Variants in PEX5 observed in about 807,000 individuals in gnomAD.
PEX5 encodes the protein PTS1 receptor.
A neutral mutation model predicts 82.9 loss-of-function variants in PEX5; 52 were observed. The ratio of observed to expected loss-of-function variants is 0.63; its 90% CI spans 0.50 to 0.79. PEX5 has a LOEUF of 0.79. PEX5 is among the 30% of genes least tolerant of loss of function. PEX5 has a pLI of 0.00. For synonymous variants in PEX5, 300 were observed against 318.8 expected (o/e 0.94, Z 0.63); for missense variants, 719 against 815.2 (o/e 0.88, Z 1.44).
chr12:7,205,427 A>G (rs1426661950), intron 10 of PEX5, among the ~76,000 whole-genome samples: 1 of 152,222 alleles, frequency 6.6e-6, no homozygotes, highest in Admixed American at 6.5e-5. Flanking sequence ...TTGTTTATTG[A>G]TAGCCCTTAT....
At chr12:7,201,167 A>G (rs1389845318) in intron 6 of PEX5, among the ~76,000 whole-genome samples, 61 of 49,878 alleles carry the variant, frequency 1.2e-3, no homozygotes, top group Admixed American at 8.6e-3. Context: ...ATATATACAC[A>G]CATACACATA....
chr12:7,205,567 GCAGAC>G (rs1453756129), intron 10 of PEX5, among the ~76,000 whole-genome samples: 1 of 152,202 alleles, frequency 6.6e-6, no homozygotes, highest in Non-Finnish European at 1.5e-5. Flanking sequence ...AGATTTTGGA[GCAGAC>G]CAGACCGTGT....
At chr12:7,197,252 T>TATGTA (rs1555175990) in intron 5 of PEX5, among the ~76,000 whole-genome samples, 1 of 15,444 alleles carries the variant, frequency 6.5e-5, no homozygotes, top group Admixed American at 9.1e-4. Flanking sequence ...TTATATGTCA[T>TATGTA]ATGTAATAAT....
chr12:7,191,386 G>T, intron 4 of PEX5, 28 bp downstream of exon 4: 1 of 1,614,142 alleles, frequency 6.2e-7, no homozygotes, highest in Non-Finnish European at 8.5e-7. Context: ...TGGGAGGGGA[G>T]ATCGTTTTCC....
intron 17 of PEX5, among the ~76,000 whole-genome samples, chr12:7,216,605 G>A (rs959478997): frequency 6.6e-6 from 1 of 152,112 alleles, no homozygotes; most frequent in African/African-American, 2.4e-5. Context: ...GGACAAAAAG[G>A]TTTGTAAATA....
At chr12:7,216,280 ACACT>A (rs1208973412), downstream of PEX5, among the ~76,000 whole-genome samples, 2 of 152,130 alleles carry the variant, frequency 1.3e-5, no homozygotes, top group Non-Finnish European at 2.9e-5. Flanking sequence ...AATTCCTTAA[ACACT>A]CACACCCATA....
At chr12:7,203,323 C>G in intron 9 of PEX5, 109 bp from the exon 10 acceptor site, 3 of 1,245,878 alleles carry the variant, frequency 2.4e-6, no homozygotes, top group Non-Finnish European at 3.3e-6. Flanking sequence ...GATTCTTAAA[C>G]ATATTGAAAT....
At chr12:7,197,485 A>G (rs1942936434) in intron 5 of PEX5, among the ~76,000 whole-genome samples, 2 of 139,966 alleles carry the variant, frequency 1.4e-5, no homozygotes, top group African/African-American at 5.5e-5. Context: ...TATATAATAT[A>G]ATAATTATAT....
At chr12:7,195,465 T>C (rs1422747671) in intron 5 of PEX5, among the ~76,000 whole-genome samples, 1 of 152,154 alleles carries the variant, frequency 6.6e-6, no homozygotes, top group Non-Finnish European at 1.5e-5. Context: ...CTGGGTCTTG[T>C]GGCGATTTAA....
intron 9 of PEX5, among the ~76,000 whole-genome samples, 195 bp downstream of exon 9, chr12:7,202,899 G>A (rs932930589): frequency 1.1e-4 from 17 of 152,126 alleles, no homozygotes; most frequent in Non-Finnish European, 2.1e-4. Flanking sequence ...GCTCATGCCT[G>A]TAATCTCAGC....
chr12:7,210,069 G>T lies in PEX5; in HGVS notation c.1766G>T (p.Ser589Ile). The T allele has an allele frequency of 6.2e-7, 1 of 1,614,264 alleles. No individual in the cohort carries two copies. Among genetic ancestry groups the T allele is most frequent in the Non-Finnish European group, 8.5e-7 (1 of 1,180,044 alleles). Residue 589 changes from serine to isoleucine, a missense_variant, in exon 16 of 16, where the codon AGC becomes ATC. Physicochemically the swap from Ser to Ile is moderately radical, Grantham distance 142. Transcript: ENST00000675855. The stretch of plus-strand genomic sequence containing the variant: ...GAGGCCCTGAACATGCAGAGGAAAA[G>T]CCGGGGCCCCCGGGGTGAAGGAGGT... ...FLEALNMQRKSRGPRGEGGAM... is the reference protein window; with the variant it reads ...FLEALNMQRKIRGPRGEGGAM...
Position 7,210,718 on chromosome 12 carries a change from G to C in PEX5, c.*495G>C. On this transcript the variant is annotated 3_prime_UTR_variant, in exon 16 of 16. Transcript: ENST00000675855. ...AGGAGTTGGCCTGTTGGGTTGAATT[G>C]TTGATTTGGCTGAGCAGAGCTGAGT... 4.1e-6 allele frequency: 1 copy of C among 246,812 alleles called. No homozygotes were observed. Among genetic ancestry groups the C allele is most frequent in the Non-Finnish European group, 8.0e-6 (1 of 124,720 alleles). The allele number at this position is 246,812 out of a possible 1,614,324, so 15.3% of individuals were successfully genotyped here.
intron 2 of PEX5, 172 bp from the exon 3 acceptor site, chr12:7,190,716 A>T: frequency 7.3e-7 from 1 of 1,376,366 alleles, no homozygotes; most frequent in Non-Finnish European, 1.0e-6. Context: ...GTTGCAAATC[A>T]TAGTAGTTAC....
intron 5 of PEX5, among the ~76,000 whole-genome samples, chr12:7,196,114 CATTAT>C (rs1305322696): frequency 1.7e-4 from 20 of 120,188 alleles, no homozygotes; most frequent in South Asian, 5.4e-4. Flanking sequence ...TTTCTTATTA[CATTAT>C]GTTATATATA....
chr12:7,190,052 C>A, intron 1 of PEX5: 1 of 1,501,356 alleles, frequency 6.7e-7, no homozygotes, highest in Non-Finnish European at 8.8e-7. Flanking sequence ...GTTGAAGCGT[C>A]CCCGTGGTCC....
intron 13 of PEX5, 88 bp downstream of exon 13, chr12:7,208,757 T>G: frequency 8.6e-7 from 1 of 1,161,102 alleles, no homozygotes; most frequent in Non-Finnish European, 1.3e-6. Flanking sequence ...TTTGGATGGA[T>G]TGAGACTGAA....
intron 10 of PEX5, 100 bp from the exon 11 acceptor site, chr12:7,207,559 G>A: frequency 8.8e-7 from 1 of 1,142,806 alleles, no homozygotes; most frequent in Non-Finnish European, 1.3e-6. Context: ...GAACCTGTTT[G>A]GAGGCCCTCA....
At chr12:7,216,408 C>G (rs1349723742), downstream of PEX5, among the ~76,000 whole-genome samples, 1 of 152,046 alleles carries the variant, frequency 6.6e-6, no homozygotes, top group Non-Finnish European at 1.5e-5. Context: ...AAGGAAAATC[C>G]AAACTCTTGC....
At chr12:7,213,245 C>A (rs1340916176), downstream of PEX5, among the ~76,000 whole-genome samples, 3 of 151,558 alleles carry the variant, frequency 2.0e-5, no homozygotes, top group Non-Finnish European at 4.4e-5. Context: ...TCATATGGAA[C>A]CAAAAAAGAG....
Sources: gnomAD v4.1 joint callset for allele counts (sites outside exome capture counted in the v4.1 genomes callset) on GRCh38, gnomAD v4.1.1 for gene constraint, MANE v1.5 for transcripts, NCBI Gene and HGNC (gene_info 2026-07-23, HGNC 2026-07-21) for gene names.